The following ARHGAP24 variants were observed in gnomAD, a reference collection of about 807,000 sequenced individuals.
ARHGAP24 encodes rho GTPase-activating protein 24.
ARHGAP24 carries 50 observed loss-of-function variants against 76.4 expected under a neutral mutation model. The ratio of observed to expected loss-of-function variants is 0.65; its 90% CI spans 0.52 to 0.83. The LOEUF is 0.83. ARHGAP24 is among the 40% of genes least tolerant of loss of function. ARHGAP24 has a pLI of 0.00. For missense variants in ARHGAP24, 930 were observed against 914.2 expected (o/e 1.02, Z -0.22); for synonymous variants, 345 against 323.3 (o/e 1.07, Z -0.72).
chr4:85,563,591 G>T (rs1338118589), intron 1 of ARHGAP24, among the ~76,000 whole-genome samples: 1 of 152,102 alleles, frequency 6.6e-6, no homozygotes, highest in African/African-American at 2.4e-5. Context: ...CATCACACTG[G>T]GTGTTGGGAC....
rs1481594633 is a variant in ARHGAP24, at chr4:85,539,997, A to G, written c.-20-30525A>G. On this transcript the variant is annotated intron_variant, in intron 1 of 9. Coordinates refer to ENST00000395184, the MANE Select transcript of ARHGAP24 (RefSeq NM_001025616.3). ...GAGGCAGAGGTTGCAGTGAGCAGAG[A>G]TTGTGCGACTGCACTCCAGCCTAGG... Among the ~76,000 whole-genome samples the G allele has an allele frequency of 3.3e-5, 5 of 152,110 alleles. No homozygotes were observed. The East Asian group carries it at 5.8e-4, about 18-fold the overall frequency.
At chr4:85,499,579 C>T (rs565523196) in intron 1 of ARHGAP24, among the ~76,000 whole-genome samples, 2 of 152,300 alleles carry the variant, frequency 1.3e-5, no homozygotes, top group South Asian at 2.1e-4. Flanking sequence ...TCTTACCTAG[C>T]CTGCAGCCTT....
At chr4:85,845,104 A>C (rs1730805926) in intron 3 of ARHGAP24, among the ~76,000 whole-genome samples, 1 of 152,234 alleles carries the variant, frequency 6.6e-6, no homozygotes, top group South Asian at 2.1e-4. Context: ...TACCATAGAC[A>C]ATATGTTTTT....
intron 2 of ARHGAP24, among the ~76,000 whole-genome samples, chr4:85,692,928 A>G (rs1723724093): frequency 6.6e-6 from 1 of 152,082 alleles, no homozygotes; most frequent in African/African-American, 2.4e-5. Context: ...TGGGAGGGTT[A>G]GTGTTTCTTT....
chr4:85,666,571 C>G (rs1474020980), intron 2 of ARHGAP24, among the ~76,000 whole-genome samples: 2 of 152,194 alleles, frequency 1.3e-5, no homozygotes, highest in East Asian at 3.9e-4. Context: ...GAGAGGCACT[C>G]TGCTTGTTAG....
intron 3 of ARHGAP24, among the ~76,000 whole-genome samples, chr4:85,758,160 AC>A (rs569663659): frequency 1.7e-3 from 263 of 152,322 alleles, no homozygotes; most frequent in African/African-American, 5.8e-3. Context: ...TGTGTGTTTC[AC>A]CAAAACTGAA....
At chr4:85,763,169 ACT>A (rs1726797891) in intron 3 of ARHGAP24, among the ~76,000 whole-genome samples, 1 of 152,172 alleles carries the variant, frequency 6.6e-6, no homozygotes, top group South Asian at 2.1e-4. Flanking sequence ...TTGTTATTTA[ACT>A]CTGAAAAAGC....
intron 2 of ARHGAP24, among the ~76,000 whole-genome samples, chr4:85,637,368 G>A (rs905155062): frequency 6.6e-6 from 1 of 152,094 alleles, no homozygotes; most frequent in Non-Finnish European, 1.5e-5. Flanking sequence ...AATAAAGGGT[G>A]TAGTGGAGAT....
At chr4:85,820,796 A>G (rs1021774547) in intron 3 of ARHGAP24, among the ~76,000 whole-genome samples, 3 of 152,144 alleles carry the variant, frequency 2.0e-5, no homozygotes, top group African/African-American at 7.2e-5. Flanking sequence ...TTTTCCAGAA[A>G]TTTGTTCTAA....
chr4:85,738,275 T>G (rs1010174389), intron 3 of ARHGAP24, among the ~76,000 whole-genome samples: 10 of 152,026 alleles, frequency 6.6e-5, no homozygotes, highest in Non-Finnish European at 4.4e-5. Context: ...CTAATTAATA[T>G]TGACTATCTT....
chr4:85,700,377 A>G (rs1003174694), intron 2 of ARHGAP24, among the ~76,000 whole-genome samples: 1 of 147,362 alleles, frequency 6.8e-6, no homozygotes, highest in Non-Finnish European at 1.5e-5. Flanking sequence ...GCCTGGGGGA[A>G]AGAGTGAGAT....
chr4:85,730,986 G>GCACA (rs200255967), intron 3 of ARHGAP24, among the ~76,000 whole-genome samples: 1,959 of 133,882 alleles, frequency 0.015, 25 homozygotes, highest in African/African-American at 0.027. Context: ...TAATATAACT[G>GCACA]CACACACACA....
At chr4:85,745,148 T>G (rs1725977568) in intron 3 of ARHGAP24, among the ~76,000 whole-genome samples, 1 of 151,934 alleles carries the variant, frequency 6.6e-6, no homozygotes, top group Non-Finnish European at 1.5e-5. Flanking sequence ...GCTTATAAAT[T>G]TAACCAGCGG....
At chr4:85,975,055 CT>C in intron 7 of ARHGAP24, 94 bp downstream of exon 7, 2 of 1,112,454 alleles carry the variant, frequency 1.8e-6, no homozygotes, top group Non-Finnish European at 2.7e-6. Context: ...CACTCAACTA[CT>C]TCGAGCCCTA....
At chr4:85,483,936 T>G (rs1349665452) in intron 1 of ARHGAP24, among the ~76,000 whole-genome samples, 2 of 152,152 alleles carry the variant, frequency 1.3e-5, no homozygotes, top group African/African-American at 4.8e-5. Flanking sequence ...GACCACTTAT[T>G]ATTCAAAGGT....
At chr4:85,655,697 G>A (rs1443941538) in intron 2 of ARHGAP24, among the ~76,000 whole-genome samples, 1 of 150,328 alleles carries the variant, frequency 6.7e-6, no homozygotes, top group Non-Finnish European at 1.5e-5. Flanking sequence ...GCTTGAACCC[G>A]GAATGCGGAG....
chr4:85,571,379 A>G (rs1251789272), intron 2 of ARHGAP24, among the ~76,000 whole-genome samples: 2 of 152,228 alleles, frequency 1.3e-5, no homozygotes, highest in South Asian at 2.1e-4. Flanking sequence ...CATAGTTGCA[A>G]CAGTTTTCTC....
intron 3 of ARHGAP24, among the ~76,000 whole-genome samples, chr4:85,806,204 A>T (rs894054506): frequency 6.6e-6 from 1 of 152,144 alleles, no homozygotes; most frequent in African/African-American, 2.4e-5. Context: ...TGATAAATTA[A>T]ATCAGTTGCA....
At chr4:85,509,151 C>T (rs1724176767) in intron 1 of ARHGAP24, among the ~76,000 whole-genome samples, 1 of 135,000 alleles carries the variant, frequency 7.4e-6, no homozygotes, top group South Asian at 2.3e-4. Flanking sequence ...ACAATGAGAA[C>T]ACATGAACAC....
Sources: allele counts gnomAD v4.1 joint callset (sites outside exome capture counted in the v4.1 genomes callset), GRCh38; gene constraint gnomAD v4.1.1; transcripts MANE v1.5; gene names NCBI Gene and HGNC (gene_info 2026-07-23, HGNC 2026-07-21).